The following BLMH variants were observed in gnomAD, a reference collection of about 807,000 sequenced individuals.
BLMH encodes the protein BLM hydrolase.
A neutral mutation model predicts 61.6 loss-of-function variants in BLMH; 32 were observed. The observed-to-expected ratio is 0.52, with a 90% CI of 0.39 to 0.70. The LOEUF (loss-of-function observed/expected upper bound fraction) is 0.70, where lower values mean the gene tolerates loss of function less well. Among genes scored for constraint, BLMH ranks in the 30% least tolerant of loss-of-function variants. The pLI, the probability that BLMH is intolerant of heterozygous loss-of-function variation, is 0.00. For missense variants in BLMH, 460 were observed against 555.5 expected (o/e 0.83, Z 1.73); for synonymous variants, 183 against 193.8 (o/e 0.94, Z 0.46).
chr17:30,255,489 A>G (rs753541885), intron 11 of BLMH, among the ~76,000 whole-genome samples: 10 of 152,196 alleles, frequency 6.6e-5, no homozygotes, highest in Non-Finnish European at 1.3e-4. Flanking sequence ...TGGTATACAT[A>G]ATTACTAACT....
intron 2 of BLMH, chr17:30,290,843 C>T (rs149678634): frequency 1.2e-4 from 19 of 158,512 alleles, no homozygotes; most frequent in Admixed American, 4.8e-4. Context: ...AGCACATTAG[C>T]TTCAGTTGTA....
intron 11 of BLMH, among the ~76,000 whole-genome samples, chr17:30,250,624 T>C (rs1567829724): frequency 6.6e-6 from 1 of 152,178 alleles, no homozygotes; most frequent in Non-Finnish European, 1.5e-5. Context: ...GGGAACACTT[T>C]TACAATGCTG....
chr17:30,259,806 A>G (rs1907910199), intron 11 of BLMH, among the ~76,000 whole-genome samples: 2 of 152,152 alleles, frequency 1.3e-5, no homozygotes, highest in South Asian at 4.1e-4. Flanking sequence ...GTTTTTTCTC[A>G]GCACTAAGTT....
At chr17:30,287,059 T>C (rs1908753665) in intron 4 of BLMH, among the ~76,000 whole-genome samples, 157 bp from the exon 5 acceptor site, 1 of 152,054 alleles carries the variant, frequency 6.6e-6, no homozygotes, top group Admixed American at 6.5e-5. Context: ...TTTTGTTTTT[T>C]GTTTTTGACA....
intron 3 of BLMH, 61 bp downstream of exon 3, chr17:30,289,312 A>C (rs1908817944): frequency 9.5e-7 from 1 of 1,056,506 alleles, no homozygotes; most frequent in African/African-American, 1.6e-5. Flanking sequence ...ACAAAAGAAG[A>C]GGCAGTCCCT....
chr17:30,281,958 A>G (rs1908603267), intron 6 of BLMH, among the ~76,000 whole-genome samples: 1 of 152,222 alleles, frequency 6.6e-6, no homozygotes, highest in Non-Finnish European at 1.5e-5. Flanking sequence ...TATTGTTTTC[A>G]ATAGCTGACA....
Position 30,291,812 on chromosome 17 carries a change from C to G in BLMH, c.8G>C (p.Ser3Thr). The G allele has an allele frequency of 3.6e-6, 5 of 1,376,068 alleles. No individual in the cohort carries two copies. The highest frequency in any genetic ancestry group is 3.3e-5 in the Admixed American group (1 of 30,374). The allele number at this position is 1,376,068 out of a possible 1,614,324, so 85.2% of individuals were successfully genotyped here. The change falls in exon 1 of 12, where the codon AGC (serine) becomes ACC (threonine). Residue 3 changes from serine (S) to threonine (T), a missense_variant. Coordinates refer to ENST00000261714, the MANE Select transcript of BLMH (RefSeq NM_000386.4). MSSSGLNSEKVAA... is the reference protein window; with the variant it reads MSTSGLNSEKVAA... Reference sequence around the variant, plus strand: ...GGGGGACGGCGGCACCTCACCCGAGCTGCTCATGGCGCCCACGCTGCCCGG... The same window carrying G: ...GGGGGACGGCGGCACCTCACCCGAGGTGCTCATGGCGCCCACGCTGCCCGG...
In BLMH at chr17:30,265,470, T is replaced by C. The variant is rs9900658; in HGVS notation, c.1216+1415A>G. 4.4e-3 allele frequency among the ~76,000 whole-genome samples: 676 copies of C among 152,306 alleles called. 6 individuals carry two copies. Among genetic ancestry groups the C allele is most frequent in the African/African-American group, 0.015 (636 of 41,564 alleles). On this transcript the variant is annotated intron_variant, in intron 11 of 11. Transcript: ENST00000261714. The stretch of plus-strand genomic sequence containing the variant: ...GGAAATCCTACGGCTGTGAGGAACA[T>C]AGCTGGAAAATCACGATTCTAAACA...
intron 3 of BLMH, among the ~76,000 whole-genome samples, chr17:30,288,347 A>G (rs1410111643): frequency 1.3e-5 from 2 of 152,092 alleles, no homozygotes; most frequent in African/African-American, 4.8e-5. Flanking sequence ...ACACCTATGT[A>G]ATATATATTT....
At chr17:30,267,300 A>C (rs1908138700) in intron 10 of BLMH, among the ~76,000 whole-genome samples, 1 of 152,252 alleles carries the variant, frequency 6.6e-6, no homozygotes, top group South Asian at 2.1e-4. Context: ...TAACCTACTA[A>C]AAGCAGTAAA....
chr17:30,273,211 G>C (rs1908327062), intron 7 of BLMH: 3 of 209,108 alleles, frequency 1.4e-5, no homozygotes, highest in Non-Finnish European at 2.8e-5. Flanking sequence ...CTGTCGCCCA[G>C]GCTGGAGTGC....
intron 2 of BLMH, among the ~76,000 whole-genome samples, chr17:30,290,250 A>C (rs1172779837): frequency 6.6e-6 from 1 of 152,188 alleles, no homozygotes; most frequent in East Asian, 1.9e-4. Flanking sequence ...AATAAACTAC[A>C]CAACTCACAT....
At position 30,266,921 on chromosome 17, in the gene BLMH, C is replaced by T. The variant is rs746686565; in HGVS notation, c.1180G>A (p.Val394Met). The T allele has an allele frequency of 6.2e-7, 1 of 1,614,150 alleles. No homozygotes were observed. The highest frequency in any genetic ancestry group is 1.1e-5 in the South Asian group (1 of 91,088). ...TGGTCTTCACCCCATGAATTCTCCA[C>T]TCTCCATTTTGTGAAAGCACCATCC... Reference protein sequence around the residue: ...DQDGAFTKWRVENSWGEDHGH... With the variant: ...DQDGAFTKWRMENSWGEDHGH... Residue 394 changes from valine to methionine, a missense_variant, in exon 11 of 12, where the codon GTG (valine) becomes ATG (methionine). Coordinates refer to ENST00000261714, the MANE Select transcript of BLMH (RefSeq NM_000386.4).
At chr17:30,263,540 A>G (rs143748784) in intron 11 of BLMH, among the ~76,000 whole-genome samples, 1 of 152,362 alleles carries the variant, frequency 6.6e-6, no homozygotes, top group East Asian at 1.9e-4. Flanking sequence ...TATGCATCCA[A>G]TTTTCAGTAC....
Position 30,249,094 on chromosome 17 carries a change from C to A in BLMH, c.1291G>T (p.Glu431Ter). Residue 431 changes from glutamate (E) to a stop codon, truncating the protein, a stop_gained, in exon 12 of 12, where the codon GAA becomes TAA. Coordinates refer to ENST00000261714, the MANE Select transcript of BLMH (RefSeq NM_000386.4). LOFTEE classifies it high-confidence loss of function. ...TGCTCTAACACAGCTAGCACCTCTT[C>A]AGGGACATGCTTCCTGTCCACCACC... ...EVVVDRKHVP[E>*]EVLAVLEQEP... 6.2e-7 allele frequency: 1 copy of A among 1,614,110 alleles called. No individual in the cohort carries two copies. The highest frequency in any genetic ancestry group is 8.5e-7 in the Non-Finnish European group (1 of 1,179,960).
chr17:30,291,200 A>C, intron 2 of BLMH, 111 bp downstream of exon 2: 5 of 1,352,616 alleles, frequency 3.7e-6, no homozygotes, highest in Non-Finnish European at 5.1e-6. Context: ...TTCTTTACGA[A>C]TTTACGACCA....
At chr17:30,282,852 T>C (rs768428147) in intron 6 of BLMH, among the ~76,000 whole-genome samples, 2 of 152,204 alleles carry the variant, frequency 1.3e-5, no homozygotes, top group Non-Finnish European at 2.9e-5. Flanking sequence ...TTTGGGGGAT[T>C]GTAAAAATTT....
At chr17:30,271,999 T>C (rs1358442195) in intron 9 of BLMH, among the ~76,000 whole-genome samples, 2 of 152,188 alleles carry the variant, frequency 1.3e-5, no homozygotes, top group African/African-American at 2.4e-5. Context: ...GATTTCTCTA[T>C]CAAGATATTT....
chr17:30,275,893 C>T (rs950669126), intron 6 of BLMH, among the ~76,000 whole-genome samples: 8 of 152,274 alleles, frequency 5.3e-5, no homozygotes, highest in Middle Eastern at 6.8e-3. Context: ...CATTTCTATC[C>T]GCTATCACAT....
Sources: gnomAD v4.1 joint callset for allele counts (sites outside exome capture counted in the v4.1 genomes callset) on GRCh38, gnomAD v4.1.1 for gene constraint, MANE v1.5 for transcripts, NCBI Gene and HGNC (gene_info 2026-07-23, HGNC 2026-07-21) for gene names.